The following BHLHE41 variants were observed in gnomAD, a reference collection of about 807,000 sequenced individuals.
The protein encoded by BHLHE41 is class E basic helix-loop-helix protein 41.
In BHLHE41, 14 loss-of-function variants were observed where a neutral mutation model predicts 24.0. The observed-to-expected ratio is 0.58, with a 90% CI of 0.39 to 0.91. The LOEUF (loss-of-function observed/expected upper bound fraction) is 0.91. BHLHE41 is among the 40% of genes least tolerant of loss of function. The pLI is 0.00. For synonymous variants in BHLHE41, 394 were observed against 315.5 expected (o/e 1.25, Z -2.64); for missense variants, 674 against 655.4 (o/e 1.03, Z -0.31).
rs1281241333 is a variant in BHLHE41, at chr12:26,123,176, G to A, written c.347-8C>T. ...ATTTCAGAGATCGCTCCCCTAGGAT[G>A]AGGAAGGGATGGGGGTGGGGGACGG... On this transcript the variant is annotated splice_polypyrimidine_tract_variant and splice_region_variant and intron_variant, in intron 4 of 4. Transcript: ENST00000242728. 6.3e-7 allele frequency: 1 copy of A among 1,580,318 alleles called. No homozygotes were observed. Among genetic ancestry groups the A allele is most frequent in the Admixed American group, 1.7e-5 (1 of 58,248 alleles).
chr12:26,123,676 G>A lies in BHLHE41; in HGVS notation c.300C>T (p.Thr100=), dbSNP rs1282577651. Residue 100 remains threonine (T), a synonymous_variant, in exon 4 of 5, where the codon ACC becomes ACT. Coordinates refer to ENST00000242728, the MANE Select transcript of BHLHE41 (RefSeq NM_030762.3). ...TCTGATGCTGTTGCTCGGTTAAGGC[G>A]GTTAAAGCTTTTAAGTGTTTCAAAG... The part of the protein sequence containing the change: ...ELTLKHLKAL[T]ALTEQQHQKI... 1.2e-6 allele frequency: 2 copies of A among 1,613,946 alleles called. No individual in the cohort carries two copies. The highest frequency in any genetic ancestry group is 2.2e-5 in the East Asian group (1 of 44,900).
At chr12:26,123,768 C>T in intron 3 of BHLHE41, 27 bp from the exon 4 acceptor site, 1 of 1,463,528 alleles carries the variant, frequency 6.8e-7, no homozygotes, top group South Asian at 1.1e-5. Context: ...AAGAAACGGG[C>T]ACTTGGTTAC....
chr12:26,123,601 G>A, intron 4 of BHLHE41, 29 bp downstream of exon 4: 1 of 1,517,090 alleles, frequency 6.6e-7, no homozygotes, highest in Non-Finnish European at 9.2e-7. Flanking sequence ...GCTTCATCAG[G>A]GTAGGCTGGC....
rs140063083 is a variant in BHLHE41 at position 26,122,399 on chromosome 12, C to G, written c.1116G>C (p.Leu372=). The G allele has an allele frequency of 0.031, 40,393 of 1,283,514 alleles. 772 individuals are homozygous for G. Among genetic ancestry groups the G allele is most frequent in the Non-Finnish European group, 0.036 (36,310 of 1,006,766 alleles). The allele number at this position is 1,283,514 out of a possible 1,614,324, so 79.5% of individuals were successfully genotyped here. Residue 372 remains leucine, a synonymous_variant, in exon 5 of 5, where the codon CTG becomes CTC. Transcript: ENST00000242728. Reference sequence around the variant, plus strand: ...CCGCCGCCGGGTACAGATACTTCTCCAGGCCGCTCTTGTCCAGGAAGGGCT... The same window carrying G: ...CCGCCGCCGGGTACAGATACTTCTCGAGGCCGCTCTTGTCCAGGAAGGGCT... ...YVQPFLDKSG[L]EKYLYPAAAA...
rs1190244749 is a variant in BHLHE41 at position 26,122,610 on chromosome 12, G to C, written c.905C>G (p.Ala302Gly). Residue 302 changes from alanine (A) to glycine (G), a missense_variant, in exon 5 of 5, where the codon GCC becomes GGC. Transcript: ENST00000242728. ...GGCAGGGTCGGGCCCCAGAAGCGCG[G>C]CTGCCGCCGCCGCCGCGCCGCCCCC... ...GPGGGAAAAA[A>G]ALLGPDPAAA... 1 of 1,135,024 alleles carries C rather than the reference G, an allele frequency of 8.8e-7. No homozygotes were observed. Among genetic ancestry groups the C allele is most frequent in the East Asian group, 4.6e-5 (1 of 21,796 alleles). The allele number at this position is 1,135,024 out of a possible 1,614,324, so 70.3% of individuals were successfully genotyped here.
rs558173674 is a variant in BHLHE41 at position 26,122,141 on chromosome 12, G to C, written c.1374C>G (p.Ala458=). ...CCGGGTTCCCCGGCTCGCGGGGCCC[G>C]GCGAAGGGCAGGTGGGTGCGGCCGT... is the stretch of plus-strand genomic sequence containing the variant. The part of the protein sequence containing the change: ...HPHGRTHLPF[A]GPREPGNPES... The change falls in exon 5 of 5, where the codon GCC becomes GCG. Residue 458 remains alanine (A), a synonymous_variant. Transcript: ENST00000242728. 5 of 1,548,680 alleles carry C rather than the reference G, an allele frequency of 3.2e-6. No homozygotes were observed. In the Admixed American group the frequency reaches 7.9e-5, roughly 24 times the overall value.
Position 26,122,490 on chromosome 12 carries a change from G to A in BHLHE41, c.1025C>T (p.Ala342Val). 2.3e-6 allele frequency: 3 copies of A among 1,324,448 alleles called. No homozygotes were observed. The highest frequency in any genetic ancestry group is 1.5e-5 in the African/African-American group (1 of 64,760). 82.0% of individuals were successfully genotyped at this position (1,324,448 alleles called of 1,614,324 possible). The change falls in exon 5 of 5, where the codon GCC (alanine) becomes GTC (valine). Residue 342 changes from alanine to valine, a missense_variant. Transcript: ENST00000242728. ...GGGCAGGCAGAAGGGGGCCGCGGCG[G>A]CCGCGGGCTGCGGGAAGGGCGCGCC... The part of the protein sequence containing the change: ...GGGAPFPQPA[A>V]AAAPFCLPFC...
chr12:26,124,242 T>G, intron 2 of BHLHE41, 63 bp from the exon 3 acceptor site: 1 of 1,017,436 alleles, frequency 9.8e-7, no homozygotes, highest in Non-Finnish European at 1.5e-6. Context: ...TATTGGATAT[T>G]ACCCTCGTCT....
At chr12:26,123,515 G>A (rs556767191) in intron 4 of BHLHE41, 115 bp downstream of exon 4, 2 of 821,694 alleles carry the variant, frequency 2.4e-6, no homozygotes, top group South Asian at 2.7e-5. Flanking sequence ...ACAAATGAGA[G>A]GGAACCCATG....
chr12:26,120,079 C>T lies in BHLHE41; in HGVS notation c.*1987G>A, dbSNP rs1944292187. On this transcript the variant is annotated 3_prime_UTR_variant, in exon 5 of 5. Transcript: ENST00000242728. ...TTCATTAAGATACATTGGGAACGAG[C>T]AGGTAGACAAAGCCAGAGCCTGGAG... 1 of 152,134 alleles carries T rather than the reference C, an allele frequency of 6.6e-6. No homozygotes were observed. The highest frequency in any genetic ancestry group is 1.9e-4 in the East Asian group (1 of 5,194). The allele number at this position is 152,134 out of a possible 1,614,324, so 9.4% of individuals were successfully genotyped here.
chr12:26,122,786 G>T lies in BHLHE41; in HGVS notation c.729C>A (p.Gly243=). 3.8e-6 allele frequency: 6 copies of T among 1,588,422 alleles called. No homozygotes were observed. The highest frequency in any genetic ancestry group is 4.3e-6 in the Non-Finnish European group (5 of 1,173,512). ...GGTCCGGCCGGGCCTCGGCTTCGCCGCCGTAGCCGCTGTCGGTGTCCGTGT... is the reference window on the plus strand; with the variant it reads ...GGTCCGGCCGGGCCTCGGCTTCGCCTCCGTAGCCGCTGTCGGTGTCCGTGT... The part of the protein sequence containing the change: ...ENDTDTDSGY[G]GEAEARPDRE... The change falls in exon 5 of 5, where the codon GGC becomes GGA. Residue 243 remains glycine, a synonymous_variant. Transcript: ENST00000242728.
rs1169419592 is a variant in BHLHE41 at position 26,121,974 on chromosome 12, G to A, written c.*92C>T. On this transcript the variant is annotated 3_prime_UTR_variant, in exon 5 of 5. Coordinates refer to ENST00000242728, the MANE Select transcript of BHLHE41 (RefSeq NM_030762.3). Reference sequence around the variant, plus strand: ...ACACTTCCTCCCTTAAAGACCTTAAGGGTATTTTAACTTCTCACTCTGCTT... The same window carrying A: ...ACACTTCCTCCCTTAAAGACCTTAAAGGTATTTTAACTTCTCACTCTGCTT... The A allele has an allele frequency of 6.5e-7, 1 of 1,539,342 alleles. No homozygotes were observed. Among genetic ancestry groups the A allele is most frequent in the Non-Finnish European group, 8.8e-7 (1 of 1,140,712 alleles).
In BHLHE41 at chr12:26,124,848, G is replaced by T; in HGVS notation, c.-69C>A. 1 of 1,495,842 alleles carries T rather than the reference G, an allele frequency of 6.7e-7. No individual in the cohort carries two copies. The highest frequency in any genetic ancestry group is 9.3e-7 in the Non-Finnish European group (1 of 1,074,742). 92.7% of individuals were successfully genotyped at this position (1,495,842 alleles called of 1,614,324 possible). On this transcript the variant is annotated 5_prime_UTR_variant, in exon 1 of 5. Coordinates refer to ENST00000242728, the MANE Select transcript of BHLHE41 (RefSeq NM_030762.3). ...TGTACAATAATCTGTGGGACGGTAG[G>T]CTTGGGAGACCTTGGGGGGATCTGT...
At chr12:26,124,639 A>G (rs1421059267) in intron 1 of BHLHE41, 57 bp from the exon 2 acceptor site, 12 of 1,611,128 alleles carry the variant, frequency 7.4e-6, no homozygotes, top group Non-Finnish European at 1.0e-5. Flanking sequence ...TGCCCTCGCC[A>G]GCTCCATACC....
rs1565665798 is a variant in BHLHE41, at chr12:26,124,538, A to G, written c.107T>C (p.Met36Thr). 1 of 1,614,156 alleles carries G rather than the reference A, an allele frequency of 6.2e-7. No individual in the cohort carries two copies. The highest frequency in any genetic ancestry group is 8.5e-7 in the Non-Finnish European group (1 of 1,180,024). Reference protein sequence around the residue: ...SLYMCKPKRSMKRDDTKDTYK... With the variant: ...SLYMCKPKRSTKRDDTKDTYK... ...ACTTACCTTGGTGTCGTCTCGTTTC[A>G]TGCTCCTTTTGGGTTTACACATATA... The change falls in exon 2 of 5, where the codon ATG becomes ACG. Residue 36 changes from methionine to threonine, a missense_variant. Met to Thr is a moderately conservative substitution (Grantham distance 81, BLOSUM62 -1). This residue lies in a region of BHLHE41 where 67 missense variants were observed against 62.4 expected (regional missense o/e 1.07). Transcript: ENST00000242728.
rs767655949 is a variant in BHLHE41 at position 26,124,472 on chromosome 12, TTAAC to T, written c.126+43_126+46del. 3.2e-6 allele frequency: 5 copies of T among 1,572,004 alleles called. No homozygotes were observed. In the South Asian group the frequency reaches 4.4e-5, roughly 14 times the overall value. On this transcript the variant is annotated intron_variant, in intron 2 of 4. Coordinates refer to ENST00000242728, the MANE Select transcript of BHLHE41 (RefSeq NM_030762.3). ...TTCACTGTGAAATCAATGGCTCTAA[TTAAC>T]TACCCATGCAGGTTATGAGGAATAT...
At chr12:26,123,946 G>C in intron 3 of BHLHE41, 126 bp downstream of exon 3, 1 of 800,874 alleles carries the variant, frequency 1.2e-6, no homozygotes, top group Non-Finnish European at 2.1e-6. Flanking sequence ...GGGAAACTCT[G>C]TACGGTATAG....
At position 26,122,442 on chromosome 12, in the gene BHLHE41, GC is replaced by G; in HGVS notation, c.1072del (p.Ala358GlnfsTer145). The G allele has an allele frequency of 7.4e-7, 1 of 1,356,698 alleles. No individual in the cohort carries two copies. Among genetic ancestry groups the G allele is most frequent in the Non-Finnish European group, 9.6e-7 (1 of 1,044,202 alleles). The allele number at this position is 1,356,698 out of a possible 1,614,324, so 84.0% of individuals were successfully genotyped here. ...GAAGGGCTGCACGTAGGCGGCAGCT[GC>G]AGAAGGCGAGAGGAAGCAGAAGGGC... Reference protein sequence around the residue: ...CLPFCFLSPSAAAAYVQPFLD... With the variant: ...CLPFCFLSPSXAAAYVQPFLD... On this transcript the variant is annotated frameshift_variant, in exon 5 of 5. Coordinates refer to ENST00000242728, the MANE Select transcript of BHLHE41 (RefSeq NM_030762.3). LOFTEE classifies it high-confidence loss of function.
At chr12:26,124,357 T>C (rs1341289642) in intron 2 of BHLHE41, among the ~76,000 whole-genome samples, 162 bp downstream of exon 2, 1 of 148,124 alleles carries the variant, frequency 6.8e-6, no homozygotes, top group Non-Finnish European at 1.5e-5. Context: ...TCAGGTATGA[T>C]GTTTAATATC....
Sources: allele counts gnomAD v4.1 joint callset (sites outside exome capture counted in the v4.1 genomes callset), GRCh38; gene constraint gnomAD v4.1.1; regional missense constraint gnomAD v4.1.1; transcripts MANE v1.5; gene names NCBI Gene and HGNC (gene_info 2026-07-23, HGNC 2026-07-21).